The following SHBG variants were observed in gnomAD, a reference collection of about 807,000 sequenced individuals.
SHBG encodes the protein sex hormone-binding globulin.
Under a neutral mutation model 41.9 loss-of-function variants are expected in SHBG, and 37 were observed. The observed-to-expected ratio is 0.88, with a 90% CI of 0.68 to 1.16. The LOEUF (loss-of-function observed/expected upper bound fraction) is 1.16, where lower values mean the gene tolerates loss of function less well. Among genes scored for constraint, SHBG ranks in the 50% most tolerant of loss-of-function variants. The probability of loss-of-function intolerance (pLI) is 0.00; values close to 1 mark genes in which losing one functional copy is unlikely to be tolerated. For synonymous variants in SHBG, 217 were observed against 205.8 expected (o/e 1.05, Z -0.47); for missense variants, 466 against 499.9 (o/e 0.93, Z 0.65).
chr17:7,626,171 G>A (rs1389386432), upstream of SHBG: 36 of 310,880 alleles, frequency 1.2e-4, 1 homozygote, highest in East Asian at 6.4e-4. Flanking sequence ...TCCAGCGTGC[G>A]CGACAGAGAC....
intron 1 of SHBG, among the ~76,000 whole-genome samples, chr17:7,619,706 C>T (rs2072056384): frequency 4.2e-5 from 6 of 144,046 alleles, no homozygotes; most frequent in Admixed American, 2.8e-4. Flanking sequence ...AGCGGAACTT[C>T]GTCTCAAAAA....
At chr17:7,630,113 G>A, upstream of SHBG, 1 of 1,418,296 alleles carries the variant, frequency 7.1e-7, no homozygotes, top group Non-Finnish European at 1.0e-6. The surrounding 1 kb of genome is among the most constrained non-coding windows in gnomAD (Gnocchi z 4.6). Flanking sequence ...ACGCAAGGCT[G>A]CCTGCCTCTA....
At chr17:7,631,108 T>C in intron 3 of SHBG, 92 bp from the exon 4 acceptor site, 1 of 1,310,220 alleles carries the variant, frequency 7.6e-7, no homozygotes. Flanking sequence ...CTTTAAGGCA[T>C]GTTCTTTCCA....
rs778885104 is a variant in SHBG, at chr17:7,630,801, C to T, written c.325C>T (p.Leu109=). 3 of 1,613,968 alleles carry T rather than the reference C, an allele frequency of 1.9e-6. No homozygotes were observed. Among genetic ancestry groups the T allele is most frequent in the African/African-American group, 1.3e-5 (1 of 74,912 alleles). ...TCGAGACGGCAGGCCTGAGATCCAA[C>T]TGCACAATCACTGGGCCCAGCTTAC... The part of the protein sequence containing the change: ...GLRDGRPEIQ[L]HNHWAQLTVG... Residue 109 remains leucine (L), a synonymous_variant, in exon 3 of 8, where the codon CTG becomes TTG. Coordinates refer to ENST00000380450, the MANE Select transcript of SHBG (RefSeq NM_001040.5). This position sits in a 1 kb window ranked among gnomAD's most constrained non-coding sequence, Gnocchi z 4.6.
At chr17:7,626,787 C>T (rs1209200241), upstream of SHBG, 1 of 1,614,106 alleles carries the variant, frequency 6.2e-7, no homozygotes, top group Admixed American at 1.7e-5. Context: ...GGAACCAATC[C>T]CTTGACCTGT....
chr17:7,615,181 C>T (rs1006001632), intron 1 of SHBG, among the ~76,000 whole-genome samples: 9 of 152,140 alleles, frequency 5.9e-5, no homozygotes, highest in Admixed American at 1.3e-4. Context: ...CTCGCTCAGT[C>T]CGATTGGGCG....
intron 1 of SHBG, among the ~76,000 whole-genome samples, chr17:7,615,461 A>C (rs752662866): frequency 1.8e-4 from 28 of 152,356 alleles, no homozygotes; most frequent in Non-Finnish European, 3.2e-4. Flanking sequence ...TCTCTACTGT[A>C]GTAGATTTAA....
At chr17:7,629,644 C>T (rs1442904427), upstream of SHBG, among the ~76,000 whole-genome samples, 1 of 152,170 alleles carries the variant, frequency 6.6e-6, no homozygotes, top group East Asian at 1.9e-4. Context: ...AATGAACCCT[C>T]TTTCACAGTC....
intron 1 of SHBG, among the ~76,000 whole-genome samples, chr17:7,615,173 C>T (rs887419011): frequency 6.6e-6 from 1 of 152,158 alleles, no homozygotes; most frequent in African/African-American, 2.4e-5. Flanking sequence ...GGGCCGGGCT[C>T]GCTCAGTCCG....
At chr17:7,623,174 C>A (rs1395123900), upstream of SHBG, among the ~76,000 whole-genome samples, 1 of 152,162 alleles carries the variant, frequency 6.6e-6, no homozygotes, top group Non-Finnish European at 1.5e-5. Context: ...GGGCAGATCA[C>A]CTGAGGTCAG....
chr17:7,630,398 G>A lies in SHBG; in HGVS notation c.112-18G>A, dbSNP rs762931392. ...GACATGTCCCTACTCAGCTTTGTTT[G>A]TTTTCTCTTTCTGATAGAGTGCCCA... On this transcript the variant is annotated intron_variant, in intron 1 of 7. Transcript: ENST00000380450. This position sits in a 1 kb window ranked among gnomAD's most constrained non-coding sequence, Gnocchi z 4.6. 5.6e-6 allele frequency: 9 copies of A among 1,612,604 alleles called. No homozygotes were observed. Among genetic ancestry groups the A allele is most frequent in the East Asian group, 2.2e-5 (1 of 44,872 alleles).
chr17:7,621,843 A>AT (rs879388427), intron 1 of SHBG, among the ~76,000 whole-genome samples: 52 of 144,456 alleles, frequency 3.6e-4, no homozygotes, highest in Non-Finnish European at 3.4e-4. Flanking sequence ...AGACATTTTA[A>AT]TTTTTTTTTT....
chr17:7,633,052 GGAA>G (rs2072471617), intron 7 of SHBG, 93 bp downstream of exon 7: 4 of 1,430,314 alleles, frequency 2.8e-6, no homozygotes, highest in Non-Finnish European at 3.9e-6. Context: ...CCTCTGGGAG[GGAA>G]GAAGAATAGG....
At chr17:7,631,808 C>G (rs1567768102) in intron 5 of SHBG, 60 bp downstream of exon 5, 1 of 1,612,858 alleles carries the variant, frequency 6.2e-7, no homozygotes, top group Non-Finnish European at 8.5e-7. Context: ...CTCTGTCCCC[C>G]TCTACCACTG....
rs1362406431 is a variant in SHBG, at chr17:7,630,241, C to T, written c.69C>T (p.His23=). ...LLLLLLLLLR[H]TRQGWALRPV... is the part of the protein sequence containing the mutation. ...TGCTGCTGTTGCTACTACTGCGTCA[C>T]ACCCGCCAGGGATGGGCCCTGAGAC... Residue 23 remains histidine (H), a synonymous_variant, in exon 1 of 8, where the codon CAC becomes CAT. Coordinates refer to ENST00000380450, the MANE Select transcript of SHBG (RefSeq NM_001040.5). The surrounding 1 kb of genome is among the most constrained non-coding windows in gnomAD (Gnocchi z 4.6). 1.9e-6 allele frequency: 3 copies of T among 1,610,822 alleles called. No individual in the cohort carries two copies. Among genetic ancestry groups the T allele is most frequent in the Non-Finnish European group, 2.5e-6 (3 of 1,178,592 alleles).
At chr17:7,614,434 G>C (rs1182928488) in intron 1 of SHBG, 13 of 1,513,970 alleles carry the variant, frequency 8.6e-6, no homozygotes, top group Non-Finnish European at 1.2e-5. Context: ...GGCGTCCCCA[G>C]TCGGCGCGCC....
chr17:7,631,323 G>C lies in SHBG; in HGVS notation c.517G>C (p.Gly173Arg), dbSNP rs769030967. ...KRHPIMRIAL[G>R]GLLFPASNLR... is the part of the protein sequence containing the mutation. ...CCATCCCATCATGAGGATTGCGCTT[G>C]GGGGGCTGCTCTTCCCCGCTTCCAA... Residue 173 changes from glycine to arginine, a missense_variant, in exon 4 of 8, where the codon GGG becomes CGG. Coordinates refer to ENST00000380450, the MANE Select transcript of SHBG (RefSeq NM_001040.5). The C allele has an allele frequency of 1.9e-6, 3 of 1,613,784 alleles. No individual in the cohort carries two copies. In the South Asian group the frequency reaches 3.3e-5, roughly 18 times the overall value.
At chr17:7,632,714 C>CCT (rs1411212997) in intron 6 of SHBG, 38 bp from the exon 7 acceptor site, 2 of 1,528,306 alleles carry the variant, frequency 1.3e-6, no homozygotes, top group African/African-American at 1.4e-5. Flanking sequence ...CTCATTCTTC[C>CCT]CTCTCTCTCT....
At chr17:7,626,114 A>C (rs1597905239), upstream of SHBG, 1 of 196,406 alleles carries the variant, frequency 5.1e-6, no homozygotes, top group South Asian at 9.3e-5. Context: ...TAATTGCTTG[A>C]ACCCGTGAGG....
Sources: gnomAD v4.1 joint callset for allele counts (sites outside exome capture counted in the v4.1 genomes callset) on GRCh38, gnomAD v4.1.1 for gene constraint, Gnocchi (gnomAD v3.1) non-coding constraint, MANE v1.5 for transcripts, NCBI Gene and HGNC (gene_info 2026-07-23, HGNC 2026-07-21) for gene names.